P4HA2: variants seen among roughly 807,000 people sequenced by gnomAD.
The protein encoded by P4HA2 is prolyl 4-hydroxylase subunit alpha 2, also known as prolyl 4-hydroxylase subunit alpha-2.
P4HA2 carries 46 observed loss-of-function variants against 76.9 expected under a neutral mutation model. The ratio of observed to expected loss-of-function variants is 0.60; its 90% CI spans 0.47 to 0.76. The LOEUF (loss-of-function observed/expected upper bound fraction) is 0.76. P4HA2 is among the 30% of genes least tolerant of loss of function. P4HA2 has a pLI of 0.00. For missense variants in P4HA2, 583 were observed against 669.4 expected, an observed-to-expected ratio of 0.87 and a Z score of 1.42; for synonymous variants, 243 against 254.0, an observed-to-expected ratio of 0.96 and a Z score of 0.41.
intron 10 of P4HA2, 65 bp downstream of exon 10, chr5:132,203,683 C>T: frequency 2.0e-6 from 2 of 1,017,726 alleles, no homozygotes; most frequent in Non-Finnish European, 3.1e-6. Context: ...TCTGGACACC[C>T]TGTGAGACCA....
intron 4 of P4HA2, 33 bp downstream of exon 4, chr5:132,217,164 G>A: frequency 6.2e-7 from 1 of 1,602,222 alleles, no homozygotes. Flanking sequence ...CAAACATATG[G>A]GCTCACTCAA....
At position 132,210,534 on chromosome 5, in the gene P4HA2, G is replaced by C; in HGVS notation, c.470-11C>G. The C allele has an allele frequency of 1.2e-6, 2 of 1,613,780 alleles. No homozygotes were observed. The highest frequency in any genetic ancestry group is 1.7e-6 in the Non-Finnish European group (2 of 1,179,790). On this transcript the variant is annotated splice_polypyrimidine_tract_variant and intron_variant, in intron 5 of 14. Transcript: ENST00000360568. ...CCTGGTACTTGGTTCCTACAGCAGG[G>C]GAAGTAAATTGTCAGGCTCCAAAGA...
rs1280041132 is a variant in P4HA2, at chr5:132,192,003, C to T, written c.*1007G>A. 1 of 152,196 alleles carries T rather than the reference C, an allele frequency of 6.6e-6. No individual in the cohort carries two copies. The highest frequency in any genetic ancestry group is 1.5e-5 in the Non-Finnish European group (1 of 68,038). The allele number at this position is 152,196 out of a possible 1,614,324, so 9.4% of individuals were successfully genotyped here. On this transcript the variant is annotated 3_prime_UTR_variant, in exon 15 of 15. Transcript: ENST00000360568. The stretch of plus-strand genomic sequence containing the variant: ...AATGTTGAACAAAAGAAGCCACATA[C>T]CCAAAAATATTTACTCTCATTCTAT...
At chr5:132,198,953 AG>A (rs1239212072) in intron 10 of P4HA2, 21 bp from the exon 11 acceptor site, 2 of 1,562,116 alleles carry the variant, frequency 1.3e-6, no homozygotes, top group South Asian at 2.2e-5. Flanking sequence ...TAACAGCATT[AG>A]ACCTTGTAAG....
In P4HA2 at chr5:132,207,819, G is replaced by A. The variant is rs1192289778; in HGVS notation, c.969C>T (p.Leu323=). 21 of 1,611,252 alleles carry A rather than the reference G, an allele frequency of 1.3e-5. No homozygotes were observed. The highest frequency in any genetic ancestry group is 1.6e-5 in the Non-Finnish European group (19 of 1,178,628). Residue 323 remains leucine, a synonymous_variant, in exon 8 of 15, where the codon CTC becomes CTT. Transcript: ENST00000360568. The part of the protein sequence containing the change: ...YHHGNRAPQL[L]IAPFKEEDEW... ...CGTCCTCCTCTTTGAAGGGGGCAAT[G>A]AGCAGCTGTGGGGCCCTGTTGCCAT...
At chr5:132,195,723 C>G in intron 12 of P4HA2, 1 of 564,738 alleles carries the variant, frequency 1.8e-6, no homozygotes, top group South Asian at 2.1e-5. Context: ...ACAGGAGACC[C>G]ACATCCGGGC....
At position 132,202,682 on chromosome 5, in the gene P4HA2, T is replaced by C. The variant is rs1304739076; in HGVS notation, c.1251+1066A>G. 5.9e-5 allele frequency: 9 copies of C among 152,344 alleles called. No homozygotes were observed. The East Asian group carries it at 1.7e-3, about 29-fold the overall frequency. 9.4% of individuals were successfully genotyped at this position (152,344 alleles called of 1,614,324 possible). A position where few individuals can be genotyped will look rare whatever the true frequency, so the allele number is the denominator to read the frequency against. ...ACCCAAGAGGACACTTTACTAAGCTTTACCCAAGAGGATACTTTAATAAGG... is the reference window on the plus strand; with the variant it reads ...ACCCAAGAGGACACTTTACTAAGCTCTACCCAAGAGGATACTTTAATAAGG... On this transcript the variant is annotated intron_variant, in intron 10 of 14. Coordinates refer to ENST00000360568, the MANE Select transcript of P4HA2 (RefSeq NM_001017974.2).
rs1004676811 is a variant in P4HA2, at chr5:132,207,776, T to C, written c.1012A>G (p.Ile338Val). Residue 338 changes from isoleucine (I) to valine (V), a missense_variant, in exon 8 of 15, where the codon ATC (isoleucine) becomes GTC (valine). By Grantham distance (29) the Ile-to-Val change is conservative. Transcript: ENST00000360568. ...GACATGACATCGTAGTACCTGACGA[T>C]GTGCGGGCTGTCCCACTCGTCCTCC... ...KEEDEWDSPHIVRYYDVMSDE... is the reference protein window; with the variant it reads ...KEEDEWDSPHVVRYYDVMSDE... 1.9e-6 allele frequency: 3 copies of C among 1,613,968 alleles called. No homozygotes were observed. The highest frequency in any genetic ancestry group is 1.3e-5 in the African/African-American group (1 of 75,046).
Position 132,210,368 on chromosome 5 carries a change from C to A in P4HA2, c.625G>T (p.Val209Leu). 1 of 1,614,120 alleles carries A rather than the reference C, an allele frequency of 6.2e-7. No individual in the cohort carries two copies. Among genetic ancestry groups the A allele is most frequent in the South Asian group, 1.1e-5 (1 of 91,076 alleles). ...ACAGCATAGCTGAGGTAGTCCAGCA[C>A]CTGTGACTTGGTTGTGGTGGCCTCC... The part of the protein sequence containing the change: ...GEEATTTKSQ[V>L]LDYLSYAVFQ... Residue 209 changes from valine to leucine, a missense_variant, in exon 6 of 15, where the codon GTG becomes TTG. Transcript: ENST00000360568.
chr5:132,198,187 C>T (rs201495838), intron 12 of P4HA2, 134 bp downstream of exon 12: 2 of 1,614,048 alleles, frequency 1.2e-6, no homozygotes, highest in South Asian at 1.1e-5. Context: ...TAGGGCTCAT[C>T]AGCACACATC....
intron 6 of P4HA2, among the ~76,000 whole-genome samples, chr5:132,209,847 G>C (rs1029538518): frequency 2.7e-5 from 4 of 150,826 alleles, no homozygotes; most frequent in Non-Finnish European, 5.9e-5. Flanking sequence ...ACAGCACAAG[G>C]CACACAAAGT....
intron 1 of P4HA2, among the ~76,000 whole-genome samples, chr5:132,222,565 C>T (rs114849450): frequency 1.5e-3 from 221 of 152,298 alleles, no homozygotes; most frequent in African/African-American, 3.9e-3. Context: ...TCTCTACTGC[C>T]GTCAAGATAA....
intron 5 of P4HA2, among the ~76,000 whole-genome samples, chr5:132,211,984 C>T (rs1753151764): frequency 6.6e-6 from 1 of 152,152 alleles, no homozygotes; most frequent in Non-Finnish European, 1.5e-5. Flanking sequence ...AGAATGGCTC[C>T]CTGGCACTCA....
At chr5:132,204,309 C>T (rs971236810) in intron 8 of P4HA2, among the ~76,000 whole-genome samples, 157 bp from the exon 9 acceptor site, 7 of 152,192 alleles carry the variant, frequency 4.6e-5, no homozygotes, top group Admixed American at 4.6e-4. Context: ...TCCTGCAGGC[C>T]AGTTGAGGGC....
chr5:132,195,148 G>A (rs1372462946), intron 13 of P4HA2, 126 bp from the exon 14 acceptor site: 3 of 689,446 alleles, frequency 4.4e-6, no homozygotes, highest in Admixed American at 2.4e-5. Context: ...AGGGGATAGG[G>A]CTCTGGGACT....
At chr5:132,204,576 T>C (rs992771483) in intron 8 of P4HA2, among the ~76,000 whole-genome samples, 2 of 152,194 alleles carry the variant, frequency 1.3e-5, no homozygotes, top group Non-Finnish European at 2.9e-5. Flanking sequence ...CTCCGCCTTA[T>C]GTACTTCTCT....
At chr5:132,208,785 C>A (rs557236810) in intron 7 of P4HA2, among the ~76,000 whole-genome samples, 28 of 152,048 alleles carry the variant, frequency 1.8e-4, no homozygotes, top group Non-Finnish European at 3.5e-4. Flanking sequence ...GTCTTTACCA[C>A]AGAGACTTAC....
intron 13 of P4HA2, 180 bp from the exon 14 acceptor site, chr5:132,195,202 G>A (rs1007123944): frequency 9.4e-6 from 6 of 635,722 alleles, no homozygotes; most frequent in Non-Finnish European, 1.7e-5. Context: ...CCTTTCTGAG[G>A]TAGAAGTCTG....
chr5:132,193,753 A>T (rs899586210), intron 14 of P4HA2, among the ~76,000 whole-genome samples: 72 of 152,198 alleles, frequency 4.7e-4, no homozygotes, highest in Middle Eastern at 3.4e-3. Context: ...TGCCAGCACT[A>T]TCACCCCACG....
Sources: gnomAD v4.1 joint callset for allele counts (sites outside exome capture counted in the v4.1 genomes callset) on GRCh38, gnomAD v4.1.1 for gene constraint, MANE v1.5 for transcripts, NCBI Gene and HGNC (gene_info 2026-07-23, HGNC 2026-07-21) for gene names.